Variants in STON1 observed in about 807,000 individuals in gnomAD.
The protein encoded by STON1 is stonin-1.
A neutral mutation model predicts 60.9 loss-of-function variants in STON1; 79 were observed. That is an observed-to-expected ratio of 1.30 (90% confidence interval 1.08 to 1.56). The LOEUF is 1.56. Ranked by LOEUF, STON1 falls within the 40% of genes most tolerant of loss-of-function variation. STON1 has a pLI of 0.00. For synonymous variants in STON1, 363 were observed against 306.9 expected (o/e 1.18, Z -1.91); for missense variants, 1,166 against 858.9 (o/e 1.36, Z -4.47).
rs1673752817 is a variant in STON1 at position 48,579,586 on chromosome 2, G to A, written c.-47-1001G>A. Among the ~76,000 whole-genome samples, 4 of 152,018 alleles carry A rather than the reference G, an allele frequency of 2.6e-5. No homozygotes were observed. The South Asian group carries it at 6.2e-4, about 24-fold the overall frequency. ...TCCATTGTGGTTAGAAAAAATGTTT[G>A]TGTGATTTCAATCTTCTCACATTTG... On this transcript the variant is annotated intron_variant, in intron 1 of 3. Coordinates refer to ENST00000404752, the MANE Select transcript of STON1 (RefSeq NM_006873.4).
chr2:48,550,597 A>G (rs938327396), intron 1 of STON1, among the ~76,000 whole-genome samples: 1 of 149,436 alleles, frequency 6.7e-6, no homozygotes, highest in Non-Finnish European at 1.5e-5. Flanking sequence ...TGTATCTTAT[A>G]TATTTACTCT....
chr2:48,592,857 CTCCTGCCT>C (rs1412219616), intron 3 of STON1, among the ~76,000 whole-genome samples: 1 of 151,650 alleles, frequency 6.6e-6, no homozygotes, highest in Non-Finnish European at 1.5e-5. Flanking sequence ...TCAAGTGATC[CTCCTGCCT>C]CGGCCTCCCA....
chr2:48,533,690 A>G (rs1294302321), intron 1 of STON1, among the ~76,000 whole-genome samples: 1 of 151,056 alleles, frequency 6.6e-6, no homozygotes, highest in African/African-American at 2.4e-5. Context: ...AAAGAGATAA[A>G]AGATGTAAAA....
Position 48,582,266 on chromosome 2 carries a change from GCTTTTGT to G in STON1, c.1635_1641del (p.Phe546ThrfsTer15). On this transcript the variant is annotated frameshift_variant, in exon 2 of 4. Coordinates refer to ENST00000404752, the MANE Select transcript of STON1 (RefSeq NM_006873.4). LOFTEE classifies it high-confidence loss of function. ...CCAGGGAGCATACGTGGAACTTCAG[GCTTTTGT>G]CAACATGGCCTCATTGGCGCAGAGG... The G allele has an allele frequency of 6.2e-7, 1 of 1,614,168 alleles. No homozygotes were observed. Among genetic ancestry groups the G allele is most frequent in the East Asian group, 2.2e-5 (1 of 44,884 alleles).
At chr2:48,567,017 A>G (rs1672977839) in intron 1 of STON1, among the ~76,000 whole-genome samples, 2 of 152,144 alleles carry the variant, frequency 1.3e-5, no homozygotes, top group Admixed American at 1.3e-4. Context: ...AACAAGGTAA[A>G]AAAAAAAAGT....
At chr2:48,558,299 T>C (rs1055319729) in intron 1 of STON1, among the ~76,000 whole-genome samples, 1 of 152,192 alleles carries the variant, frequency 6.6e-6, no homozygotes, top group Non-Finnish European at 1.5e-5. Context: ...TACACATATA[T>C]ATCAATGGAA....
At chr2:48,537,232 G>T (rs182071084) in intron 1 of STON1, among the ~76,000 whole-genome samples, 84 of 152,174 alleles carry the variant, frequency 5.5e-4, no homozygotes, top group African/African-American at 2.0e-3. Context: ...TCCATTAAGC[G>T]TGAAGTTTGC....
At chr2:48,534,006 T>C (rs1421016545) in intron 1 of STON1, among the ~76,000 whole-genome samples, 1 of 152,052 alleles carries the variant, frequency 6.6e-6, no homozygotes, top group Admixed American at 6.6e-5. Context: ...TGATCTCAGG[T>C]GATCCGCCAG....
At chr2:48,568,849 T>G (rs1673059741) in intron 1 of STON1, among the ~76,000 whole-genome samples, 1 of 152,176 alleles carries the variant, frequency 6.6e-6, no homozygotes, top group Admixed American at 6.5e-5. Flanking sequence ...AAATAGGCTC[T>G]TCTCACGTGA....
At position 48,584,737 on chromosome 2, in the gene STON1, A is replaced by C. The variant is rs377593899; in HGVS notation, c.1930+2174A>C. Among the ~76,000 whole-genome samples, 45 of 152,188 alleles carry C rather than the reference A, an allele frequency of 3.0e-4. 7 individuals are homozygous for C. Among genetic ancestry groups the C allele is most frequent in the Admixed American group, 2.4e-3 (36 of 15,284 alleles). On this transcript the variant is annotated intron_variant, in intron 2 of 3. Coordinates refer to ENST00000404752, the MANE Select transcript of STON1 (RefSeq NM_006873.4). ...ATACAAGGTGTAGCCAGAGGGAAGA[A>C]CACTGCTCTCCAGGTGTTGTAAAGT...
At chr2:48,584,925 G>C (rs11693691) in intron 2 of STON1, among the ~76,000 whole-genome samples, 48,978 of 152,010 alleles carry the variant, frequency 0.32, 8,071 homozygotes, top group East Asian at 0.42. Flanking sequence ...CTTCAGGTGA[G>C]AGACACAGGC....
At chr2:48,536,916 C>T (rs886173560) in intron 1 of STON1, among the ~76,000 whole-genome samples, 4 of 152,124 alleles carry the variant, frequency 2.6e-5, no homozygotes, top group African/African-American at 9.7e-5. Context: ...AGTATATTCT[C>T]TAGTTTACTT....
chr2:48,564,003 C>T lies in STON1; in HGVS notation c.-47-16584C>T, dbSNP rs74444437. 5.0e-3 allele frequency among the ~76,000 whole-genome samples: 764 copies of T among 152,116 alleles called. 12 individuals are homozygous for T. Among genetic ancestry groups the T allele is most frequent in the African/African-American group, 0.018 (730 of 41,498 alleles). ...TGTGAGCCACCACGCCTGCCCTCCA[C>T]GTGGGTTCTTAAGGAAAACTACCTG... is the stretch of plus-strand genomic sequence containing the variant. On this transcript the variant is annotated intron_variant, in intron 1 of 3. Transcript: ENST00000404752.
chr2:48,567,323 G>T (rs904992348), intron 1 of STON1, among the ~76,000 whole-genome samples: 1 of 152,136 alleles, frequency 6.6e-6, no homozygotes, highest in East Asian at 1.9e-4. Context: ...TTTCCTTAAG[G>T]TATTGTGTTT....
At chr2:48,578,093 G>T (rs1212962546) in intron 1 of STON1, among the ~76,000 whole-genome samples, 1 of 152,138 alleles carries the variant, frequency 6.6e-6, no homozygotes, top group African/African-American at 2.4e-5. Context: ...CCCTGCCTTA[G>T]CCTCCAGAGT....
chr2:48,586,563 C>T (rs1260218369), intron 2 of STON1, among the ~76,000 whole-genome samples: 1 of 152,136 alleles, frequency 6.6e-6, no homozygotes, highest in East Asian at 1.9e-4. Context: ...GAGTTTCCAT[C>T]AAAGAAAGAA....
intron 1 of STON1, among the ~76,000 whole-genome samples, chr2:48,559,524 A>T (rs1672522478): frequency 6.6e-6 from 1 of 152,170 alleles, no homozygotes; most frequent in Non-Finnish European, 1.5e-5. Flanking sequence ...ACCTCTTGTT[A>T]CTGTCACATT....
At chr2:48,567,663 A>G (rs989432264) in intron 1 of STON1, among the ~76,000 whole-genome samples, 2 of 152,190 alleles carry the variant, frequency 1.3e-5, no homozygotes, top group South Asian at 4.1e-4. Context: ...TCGGCCTCCC[A>G]AAGTGCTGCG....
At chr2:48,537,404 T>C (rs1671472251) in intron 1 of STON1, among the ~76,000 whole-genome samples, 1 of 152,206 alleles carries the variant, frequency 6.6e-6, no homozygotes, top group Admixed American at 6.6e-5. Context: ...TGATATTACA[T>C]TGTGATAAGA....
Sources: allele counts gnomAD v4.1 joint callset (sites outside exome capture counted in the v4.1 genomes callset), GRCh38; gene constraint gnomAD v4.1.1; transcripts MANE v1.5; gene names NCBI Gene and HGNC (gene_info 2026-07-23, HGNC 2026-07-21).